Variants in LY96 observed in about 807,000 individuals in gnomAD.
The protein encoded by LY96 is myeloid differentiation protein-2.
LY96 carries 18 observed loss-of-function variants against 18.9 expected under a neutral mutation model. The ratio of observed to expected loss-of-function variants is 0.95; its 90% CI spans 0.66 to 1.41. The LOEUF is 1.41. LY96 is among the 40% of genes most tolerant of loss of function. The probability of loss-of-function intolerance (pLI) is 0.00; values close to 1 mark genes in which losing one functional copy is unlikely to be tolerated. For synonymous variants in LY96, 66 were observed against 62.6 expected, an observed-to-expected ratio of 1.06 and a Z score of -0.26; for missense variants, 175 against 182.4, an observed-to-expected ratio of 0.96 and a Z score of 0.23.
At chr8:74,099,736 C>T in the LY96 span, 1 of 152,186 alleles carries the variant, frequency 6.6e-6, no homozygotes, top group East Asian at 1.9e-4. Flanking sequence ...GTTCCCTTTT[C>T]CCCTCCCTTG....
the LY96 span, among the ~76,000 whole-genome samples, chr8:74,070,120 G>C: frequency 1.3e-5 from 2 of 148,722 alleles, no homozygotes; most frequent in Non-Finnish European, 3.0e-5. Flanking sequence ...GAGACGCGGT[G>C]TCACTCTGTT....
chr8:74,029,290 G>C (rs1816929994), downstream of LY96, among the ~76,000 whole-genome samples: 1 of 152,158 alleles, frequency 6.6e-6, no homozygotes, highest in African/African-American at 2.4e-5. Flanking sequence ...GTGGGCAAGA[G>C]TGTTTGTTAT....
At chr8:74,055,968 A>G in the LY96 span, 1 of 152,666 alleles carries the variant, frequency 6.6e-6, no homozygotes. Context: ...TTCTAAGAAG[A>G]CTGGTACAAT....
At chr8:74,056,677 T>G in the LY96 span, 1 of 152,978 alleles carries the variant, frequency 6.5e-6, no homozygotes, top group African/African-American at 2.4e-5. Flanking sequence ...GTGACAAAAG[T>G]CTTGCTTGTT....
chr8:74,027,115 C>T (rs1586662492), intron 4 of LY96, among the ~76,000 whole-genome samples: 2 of 151,892 alleles, frequency 1.3e-5, no homozygotes, highest in Admixed American at 1.3e-4. Context: ...ATGTTTTGTA[C>T]TTTTGGAAGA....
chr8:74,041,295 A>T, the LY96 span, among the ~76,000 whole-genome samples: 1 of 152,346 alleles, frequency 6.6e-6, no homozygotes, highest in Admixed American at 6.5e-5. Context: ...ATAAGCTGAG[A>T]ATGTACATCA....
intron 1 of LY96, among the ~76,000 whole-genome samples, chr8:74,003,322 A>G (rs1816338482): frequency 6.6e-6 from 1 of 152,172 alleles, no homozygotes; most frequent in South Asian, 2.1e-4. Context: ...ACTTTTATAC[A>G]CACTTCTAAA....
chr8:74,011,888 G>T (rs1474168146), intron 3 of LY96, among the ~76,000 whole-genome samples: 1 of 150,054 alleles, frequency 6.7e-6, no homozygotes, highest in African/African-American at 2.5e-5. Context: ...GTGGGAAAAG[G>T]ACATGAATAG....
intron 4 of LY96, among the ~76,000 whole-genome samples, chr8:74,027,671 G>T (rs775817322): frequency 1.3e-5 from 2 of 152,182 alleles, no homozygotes; most frequent in Non-Finnish European, 2.9e-5. Flanking sequence ...CAGGGAGAAG[G>T]TCTGGAAATT....
chr8:74,075,020 T>G, the LY96 span, among the ~76,000 whole-genome samples: 3 of 152,206 alleles, frequency 2.0e-5, no homozygotes, highest in Admixed American at 1.3e-4. Flanking sequence ...TAGCATAGAT[T>G]AAGTCTAATG....
At chr8:74,038,145 G>C in the LY96 span, among the ~76,000 whole-genome samples, 1 of 151,808 alleles carries the variant, frequency 6.6e-6, no homozygotes, top group Non-Finnish European at 1.5e-5. Context: ...ATCACATCAG[G>C]GTAAATGGGG....
chr8:74,060,589 G>A, the LY96 span, among the ~76,000 whole-genome samples: 2 of 152,180 alleles, frequency 1.3e-5, no homozygotes, highest in Non-Finnish European at 1.5e-5. Context: ...AATATATGTC[G>A]AAAGACTGAT....
chr8:74,066,825 C>A, the LY96 span, among the ~76,000 whole-genome samples: 6 of 152,106 alleles, frequency 3.9e-5, no homozygotes, highest in African/African-American at 9.7e-5. Context: ...AAAGATATAT[C>A]CAAATATTTA....
chr8:74,010,128 A>AG lies in LY96; in HGVS notation c.331+1dup, dbSNP rs750393077. On this transcript the variant is annotated frameshift_variant and splice_region_variant, in exon 3 of 5. Transcript: ENST00000284818. LOFTEE classifies it high-confidence loss of function. Reference sequence around the variant, plus strand: ...ACTCTTTTTGCAGAGCTCTGAAGGGAGGTAAGTATTCAGTTCATATTACTT... The same window carrying AG: ...ACTCTTTTTGCAGAGCTCTGAAGGGAGGGTAAGTATTCAGTTCATATTACTT... The AG allele has an allele frequency of 6.2e-7, 1 of 1,612,146 alleles. No individual in the cohort carries two copies. Among genetic ancestry groups the AG allele is most frequent in the Admixed American group, 1.7e-5 (1 of 60,006 alleles).
chr8:74,027,543 G>C (rs1238618493), intron 4 of LY96, among the ~76,000 whole-genome samples: 1 of 152,072 alleles, frequency 6.6e-6, no homozygotes, highest in Non-Finnish European at 1.5e-5. Flanking sequence ...GGCCTCATGT[G>C]ATCCACCCAC....
At chr8:74,070,348 C>T in the LY96 span, among the ~76,000 whole-genome samples, 1 of 152,150 alleles carries the variant, frequency 6.6e-6, no homozygotes, top group East Asian at 1.9e-4. Flanking sequence ...GCCTCGGCCT[C>T]CCGAAGTGCT....
chr8:74,054,163 G>A, the LY96 span, among the ~76,000 whole-genome samples: 1 of 152,094 alleles, frequency 6.6e-6, no homozygotes, highest in Non-Finnish European at 1.5e-5. Flanking sequence ...GAGTAGCTGG[G>A]CCACAGGTGT....
At chr8:74,070,293 A>G in the LY96 span, among the ~76,000 whole-genome samples, 5 of 151,982 alleles carry the variant, frequency 3.3e-5, no homozygotes, top group Admixed American at 2.0e-4. Flanking sequence ...GGGTTTCACC[A>G]CATTAGCCAG....
At chr8:74,047,495 C>T in the LY96 span, among the ~76,000 whole-genome samples, 1 of 152,178 alleles carries the variant, frequency 6.6e-6, no homozygotes, top group Non-Finnish European at 1.5e-5. Flanking sequence ...TGGCTGTCTA[C>T]TTTGAAAGTT....
Sources: gnomAD v4.1 joint callset for allele counts (sites outside exome capture counted in the v4.1 genomes callset) on GRCh38, gnomAD v4.1.1 for gene constraint, MANE v1.5 for transcripts, NCBI Gene and HGNC (gene_info 2026-07-23, HGNC 2026-07-21) for gene names.